Variants in RAD51B observed in about 807,000 individuals in gnomAD.
RAD51B encodes RAD51 paralog B.
A neutral mutation model predicts 42.2 loss-of-function variants in RAD51B; 38 were observed. The observed-to-expected ratio is 0.90, with a 90% CI of 0.70 to 1.18. RAD51B has a LOEUF of 1.18. Among genes scored for constraint, RAD51B ranks in the 50% most tolerant of loss-of-function variants. RAD51B has a pLI of 0.00. For missense variants in RAD51B, 373 were observed against 400.7 expected (o/e 0.93, Z 0.59); for synonymous variants, 154 against 145.2 (o/e 1.06, Z -0.43).
chr14:68,186,322 G>T (rs1333077972), intron 7 of RAD51B, among the ~76,000 whole-genome samples: 1 of 152,130 alleles, frequency 6.6e-6, no homozygotes, highest in Non-Finnish European at 1.5e-5. Context: ...TTATGACTAA[G>T]TCCTCAAAGC....
chr14:68,153,508 T>C (rs2078434412), intron 7 of RAD51B, among the ~76,000 whole-genome samples: 1 of 152,292 alleles, frequency 6.6e-6, no homozygotes, highest in East Asian at 1.9e-4. Flanking sequence ...CTGTTAGTTT[T>C]TGACTTTATA....
intron 8 of RAD51B, among the ~76,000 whole-genome samples, chr14:68,313,042 C>T (rs890805994): frequency 2.6e-5 from 4 of 152,206 alleles, no homozygotes; most frequent in African/African-American, 9.6e-5. Context: ...ATGATTTTAA[C>T]TTTCAAAGTT....
chr14:68,550,001 G>A (rs1594964411), intron 10 of RAD51B, among the ~76,000 whole-genome samples: 2 of 152,306 alleles, frequency 1.3e-5, no homozygotes, highest in Non-Finnish European at 2.9e-5. Flanking sequence ...CAGAAGGAGG[G>A]CGTAGATTGT....
intron 7 of RAD51B, among the ~76,000 whole-genome samples, chr14:68,273,730 G>C (rs1361163652): frequency 6.6e-6 from 1 of 151,970 alleles, no homozygotes; most frequent in African/African-American, 2.4e-5. Flanking sequence ...CTGTCATACA[G>C]AGCTGGAGTA....
intron 5 of RAD51B, among the ~76,000 whole-genome samples, chr14:67,873,261 A>T (rs2042606440): frequency 6.6e-6 from 1 of 152,180 alleles, no homozygotes; most frequent in Admixed American, 6.5e-5. Flanking sequence ...AAACAACCCC[A>T]TCAAAAAGTG....
chr14:68,594,829 C>T, exon 11 of RAD51B: 4 of 1,210,836 alleles, frequency 3.3e-6, no homozygotes, highest in South Asian at 1.9e-5. Flanking sequence ...GTGACCTGCT[C>T]AGGTGCCCCT....
intron 7 of RAD51B, among the ~76,000 whole-genome samples, chr14:67,896,319 G>A (rs1026982958): frequency 1.2e-4 from 18 of 152,192 alleles, no homozygotes; most frequent in Admixed American, 5.9e-4. Context: ...TAAAACTTAA[G>A]TGTCTCCCCT....
At chr14:68,278,503 A>G (rs143716732) in intron 7 of RAD51B, among the ~76,000 whole-genome samples, 98 of 152,284 alleles carry the variant, frequency 6.4e-4, no homozygotes, top group Middle Eastern at 3.4e-3. Context: ...AGTAAATGTT[A>G]GTTTTCTTTG....
rs571343127 is a variant in RAD51B, at chr14:68,000,769, A to G, written c.756+113565A>G. Reference sequence around the variant, plus strand: ...TGAAAATGATGAGACCGGAAATGAGAAAAGCAAAAATCAGATATCACCCTT... The same window carrying G: ...TGAAAATGATGAGACCGGAAATGAGGAAAGCAAAAATCAGATATCACCCTT... On this transcript the variant is annotated intron_variant, in intron 7 of 10. Transcript: ENST00000471583. Among the ~76,000 whole-genome samples, 11 of 152,302 alleles carry G rather than the reference A, an allele frequency of 7.2e-5. No individual in the cohort carries two copies. The East Asian group carries it at 1.9e-3, about 27-fold the overall frequency.
intron 7 of RAD51B, among the ~76,000 whole-genome samples, chr14:68,151,077 G>T (rs190413722): frequency 6.6e-6 from 1 of 151,922 alleles, no homozygotes; most frequent in Non-Finnish European, 1.5e-5. Flanking sequence ...TTCTCTATCA[G>T]GTCTTGTGGT....
chr14:67,957,432 A>G (rs879189075), intron 7 of RAD51B, among the ~76,000 whole-genome samples: 2 of 152,216 alleles, frequency 1.3e-5, no homozygotes, highest in Admixed American at 1.3e-4. Flanking sequence ...AAAGATCCCC[A>G]TGCACCTTCC....
intron 8 of RAD51B, among the ~76,000 whole-genome samples, chr14:68,385,296 C>G (rs150530835): frequency 2.6e-5 from 4 of 152,268 alleles, no homozygotes; most frequent in Non-Finnish European, 4.4e-5. Context: ...GAAATTGAAG[C>G]CTTTGGACTT....
chr14:67,830,115 A>T (rs540859779), intron 3 of RAD51B, among the ~76,000 whole-genome samples: 261 of 152,270 alleles, frequency 1.7e-3, no homozygotes, highest in African/African-American at 6.1e-3. Context: ...AACGAAGAAG[A>T]GAGTGGTAAG....
chr14:67,832,203 T>C (rs965191368), intron 3 of RAD51B, among the ~76,000 whole-genome samples: 2 of 152,058 alleles, frequency 1.3e-5, no homozygotes, highest in African/African-American at 4.8e-5. Flanking sequence ...CTTGAAATCC[T>C]GGCTGCAAGT....
chr14:67,823,697 A>C, intron 2 of RAD51B, 70 bp downstream of exon 2: 1 of 1,155,960 alleles, frequency 8.7e-7, no homozygotes, highest in Non-Finnish European at 1.2e-6. Context: ...AATACCTCTT[A>C]AACTTGAAAT....
At chr14:68,026,281 A>C (rs1381347710) in intron 7 of RAD51B, among the ~76,000 whole-genome samples, 1 of 152,178 alleles carries the variant, frequency 6.6e-6, no homozygotes, top group Non-Finnish European at 1.5e-5. Flanking sequence ...GGTTGATCTT[A>C]GAATGTATTC....
intron 7 of RAD51B, among the ~76,000 whole-genome samples, chr14:68,278,211 C>T (rs1399739968): frequency 6.6e-6 from 1 of 152,116 alleles, no homozygotes; most frequent in Non-Finnish European, 1.5e-5. Flanking sequence ...GGTGAGTTAC[C>T]CTTATACTAT....
chr14:68,586,616 T>C (rs1056510334), intron 10 of RAD51B, among the ~76,000 whole-genome samples: 26 of 152,028 alleles, frequency 1.7e-4, no homozygotes, highest in African/African-American at 6.3e-4. Context: ...CACAGCCAGG[T>C]AGGGAATGTG....
At chr14:68,155,057 T>C (rs1387318110) in intron 7 of RAD51B, among the ~76,000 whole-genome samples, 1 of 152,180 alleles carries the variant, frequency 6.6e-6, no homozygotes, top group East Asian at 1.9e-4. Context: ...TTGTTGACCA[T>C]ATCAATGGGT....
Sources: allele counts gnomAD v4.1 joint callset (sites outside exome capture counted in the v4.1 genomes callset), GRCh38; gene constraint gnomAD v4.1.1; transcripts MANE v1.5; gene names NCBI Gene and HGNC (gene_info 2026-07-23, HGNC 2026-07-21).